The following ZNHIT6 variants were observed in gnomAD, a reference collection of about 807,000 sequenced individuals.
The protein encoded by ZNHIT6 is box C/D snoRNA protein 1.
In ZNHIT6, 45 loss-of-function variants were observed where a neutral mutation model predicts 57.2. The observed-to-expected ratio is 0.79, with a 90% CI of 0.62 to 1.01. ZNHIT6 has a LOEUF of 1.01. Among genes scored for constraint, ZNHIT6 ranks in the 50% least tolerant of loss-of-function variants. ZNHIT6 has a pLI of 0.00. For missense variants in ZNHIT6, 528 were observed against 567.3 expected (o/e 0.93, Z 0.70); for synonymous variants, 188 against 190.0 (o/e 0.99, Z 0.09).
chr1:85,654,229 G>A lies in ZNHIT6; in HGVS notation c.1373-131C>T, dbSNP rs1019600465. On this transcript the variant is annotated intron_variant, in intron 9 of 9. Coordinates refer to ENST00000370574, the MANE Select transcript of ZNHIT6 (RefSeq NM_017953.4). The stretch of plus-strand genomic sequence containing the variant: ...CACAGGGACACACAAACCGCGTCAT[G>A]TCCCAGGCAGCTAGGATATACAATT... 10 of 628,880 alleles carry A rather than the reference G, an allele frequency of 1.6e-5. No individual in the cohort carries two copies. The African/African-American group carries it at 1.9e-4, about 12-fold the overall frequency. 39.0% of individuals were successfully genotyped at this position (628,880 alleles called of 1,614,324 possible). A position where few individuals can be genotyped will look rare whatever the true frequency, so the allele number is the denominator to read the frequency against.
At chr1:85,663,179 T>C (rs1661273459) in intron 8 of ZNHIT6, among the ~76,000 whole-genome samples, 2 of 152,320 alleles carry the variant, frequency 1.3e-5, no homozygotes, top group African/African-American at 4.8e-5. Flanking sequence ...AAGTGTAACT[T>C]GCTAAGCTAG....
intron 5 of ZNHIT6, among the ~76,000 whole-genome samples, chr1:85,698,282 T>A (rs1343957982): frequency 6.6e-6 from 1 of 152,088 alleles, no homozygotes; most frequent in East Asian, 1.9e-4. Context: ...CTTAGAAAAA[T>A]TCACACATCA....
rs1570292661 is a variant in ZNHIT6, at chr1:85,667,567, A to G, written c.1248-9596T>C. On this transcript the variant is annotated intron_variant, in intron 8 of 9. Coordinates refer to ENST00000370574, the MANE Select transcript of ZNHIT6 (RefSeq NM_017953.4). ...TTGATGTTTTAAGATGAAATATATC[A>G]CCCTTAAGGAAATTCACTAGACTGT... is the stretch of plus-strand genomic sequence containing the variant. 2.6e-5 allele frequency among the ~76,000 whole-genome samples: 4 copies of G among 151,460 alleles called. No homozygotes were observed. In the South Asian group the frequency reaches 8.4e-4, roughly 32 times the overall value.
At chr1:85,680,948 A>C in intron 5 of ZNHIT6, 44 bp from the exon 6 acceptor site, 1 of 1,439,954 alleles carries the variant, frequency 6.9e-7, no homozygotes, top group South Asian at 1.2e-5. Context: ...TAGATAATAA[A>C]AGTCTGGATG....
chr1:85,689,232 C>A (rs1210420745), intron 5 of ZNHIT6, among the ~76,000 whole-genome samples: 1 of 152,094 alleles, frequency 6.6e-6, no homozygotes, highest in Admixed American at 6.5e-5. Flanking sequence ...AAGAAAAATA[C>A]AAAATCTATA....
At chr1:85,671,912 A>T (rs1246372618) in intron 8 of ZNHIT6, among the ~76,000 whole-genome samples, 1 of 152,154 alleles carries the variant, frequency 6.6e-6, no homozygotes, top group African/African-American at 2.4e-5. Context: ...AGTTACAATA[A>T]ACTTTTATTT....
At chr1:85,696,769 T>C (rs369036202) in intron 5 of ZNHIT6, among the ~76,000 whole-genome samples, 7 of 152,132 alleles carry the variant, frequency 4.6e-5, no homozygotes, top group South Asian at 2.1e-4. Flanking sequence ...GGTTAATCCA[T>C]ACTTTCATTA....
rs17128058 is a variant in ZNHIT6 at position 85,662,438 on chromosome 1, T to G, written c.1248-4467A>C. Among the ~76,000 whole-genome samples the G allele has an allele frequency of 9.4e-3, 1,427 of 152,280 alleles. 58 individuals are homozygous for G. The highest frequency in any genetic ancestry group is 0.063 in the Admixed American group (956 of 15,284). On this transcript the variant is annotated intron_variant, in intron 8 of 9. Transcript: ENST00000370574. Reference sequence around the variant, plus strand: ...CTACAATTTTTGATACTTAACTATATTTTTTCACAGTTGTATTTATTTCTC... The same window carrying G: ...CTACAATTTTTGATACTTAACTATAGTTTTTCACAGTTGTATTTATTTCTC...
At chr1:85,685,951 ATTCT>A (rs1306207299) in intron 5 of ZNHIT6, among the ~76,000 whole-genome samples, 1 of 149,810 alleles carries the variant, frequency 6.7e-6, no homozygotes, top group Non-Finnish European at 1.5e-5. Context: ...TAATTTTAAC[ATTCT>A]TTTTTTTTTT....
intron 8 of ZNHIT6, among the ~76,000 whole-genome samples, chr1:85,670,560 C>A (rs541907350): frequency 6.6e-6 from 1 of 152,150 alleles, no homozygotes; most frequent in Non-Finnish European, 1.5e-5. Flanking sequence ...AAGATGCCTA[C>A]GGCAACCACT....
chr1:85,697,251 A>T (rs961810179), intron 5 of ZNHIT6, among the ~76,000 whole-genome samples: 2 of 152,082 alleles, frequency 1.3e-5, no homozygotes, highest in Non-Finnish European at 2.9e-5. Context: ...ACTCTGTGTC[A>T]TATATGTTAA....
At position 85,650,048 on chromosome 1, in the gene ZNHIT6, T is replaced by A. The variant is rs1660862730; in HGVS notation, c.*4010A>T. The A allele has an allele frequency of 6.6e-6, 1 of 152,222 alleles. No individual in the cohort carries two copies. Among genetic ancestry groups the A allele is most frequent in the African/African-American group, 2.4e-5 (1 of 41,458 alleles). 9.4% of individuals were successfully genotyped at this position (152,222 alleles called of 1,614,324 possible). A position where few individuals can be genotyped will look rare whatever the true frequency, so the allele number is the denominator to read the frequency against. ...GTGCAATGAATGTGTTACTTTCGTA[T>A]TCCCAGTAACTACCTTTCCTCACCT... On this transcript the variant is annotated 3_prime_UTR_variant, in exon 10 of 10. Transcript: ENST00000370574.
At chr1:85,702,012 A>G (rs1415500846) in intron 5 of ZNHIT6, 145 bp downstream of exon 5, 3 of 598,270 alleles carry the variant, frequency 5.0e-6, no homozygotes, top group Non-Finnish European at 8.7e-6. Flanking sequence ...ATGACATACA[A>G]TTACTACAGT....
chr1:85,653,880 A>G lies in ZNHIT6; in HGVS notation c.*178T>C. On this transcript the variant is annotated 3_prime_UTR_variant, in exon 10 of 10. Transcript: ENST00000370574. Reference sequence around the variant, plus strand: ...CTTAATATGAATAAATGGGTCTTACAAGTCAATTAATTCAAGAGGTTATAA... The same window carrying G: ...CTTAATATGAATAAATGGGTCTTACGAGTCAATTAATTCAAGAGGTTATAA... The G allele has an allele frequency of 1.7e-6, 1 of 584,488 alleles. No individual in the cohort carries two copies. Among genetic ancestry groups the G allele is most frequent in the Non-Finnish European group, 3.0e-6 (1 of 333,262 alleles). The allele number at this position is 584,488 out of a possible 1,614,324, so 36.2% of individuals were successfully genotyped here.
rs575996565 is a variant in ZNHIT6 at position 85,703,682 on chromosome 1, G to T, written c.916-1422C>A. Among the ~76,000 whole-genome samples, 5 of 152,206 alleles carry T rather than the reference G, an allele frequency of 3.3e-5. No homozygotes were observed. In the Middle Eastern group the frequency reaches 0.014, roughly 414 times the overall value. ...AAACACAACAGTATAAAGCTTTTAG[G>T]CAATAACTATAAAAGAATAACTTCC... On this transcript the variant is annotated intron_variant, in intron 4 of 9. Transcript: ENST00000370574.
chr1:85,705,973 C>A, intron 4 of ZNHIT6, 105 bp downstream of exon 4: 3 of 934,534 alleles, frequency 3.2e-6, no homozygotes, highest in Non-Finnish European at 4.8e-6. Flanking sequence ...CAGAATAGCT[C>A]TACATCATGG....
chr1:85,672,860 A>G (rs1408179956), intron 8 of ZNHIT6, among the ~76,000 whole-genome samples: 1 of 152,096 alleles, frequency 6.6e-6, no homozygotes, highest in South Asian at 2.1e-4. Context: ...AAAAAACAAA[A>G]TGTATCTAAA....
chr1:85,674,392 C>T (rs900538552), intron 8 of ZNHIT6, among the ~76,000 whole-genome samples: 5 of 152,020 alleles, frequency 3.3e-5, no homozygotes, highest in Admixed American at 1.3e-4. Context: ...GCCTCATCCT[C>T]CCAAAGTGCT....
At chr1:85,695,420 T>C (rs1423839429) in intron 5 of ZNHIT6, among the ~76,000 whole-genome samples, 3 of 152,184 alleles carry the variant, frequency 2.0e-5, no homozygotes, top group Non-Finnish European at 4.4e-5. Context: ...TACTGGTATA[T>C]ATGTGGGTAG....
Sources: allele counts gnomAD v4.1 joint callset (sites outside exome capture counted in the v4.1 genomes callset), GRCh38; gene constraint gnomAD v4.1.1; transcripts MANE v1.5; gene names NCBI Gene and HGNC (gene_info 2026-07-23, HGNC 2026-07-21).